Variants in QRICH1 observed in about 807,000 individuals in gnomAD.
QRICH1 encodes glutamine rich 1, also known as transcriptional regulator QRICH1.
A neutral mutation model predicts 87.1 loss-of-function variants in QRICH1; 16 were observed. The observed-to-expected ratio is 0.18, with a 90% CI of 0.12 to 0.28. The LOEUF is 0.28. QRICH1 is among the 10% of genes least tolerant of loss of function. QRICH1 has a pLI of 1.00. For missense variants in QRICH1, 647 were observed against 951.7 expected (o/e 0.68, Z 4.21); for synonymous variants, 367 against 368.4 (o/e 1.00, Z 0.05).
At chr3:49,065,382 G>C (rs1303266809) in intron 2 of QRICH1, among the ~76,000 whole-genome samples, 1 of 152,180 alleles carries the variant, frequency 6.6e-6, no homozygotes. Flanking sequence ...TGACCTCAAA[G>C]TGATCTGCCC....
Position 49,047,142 on chromosome 3 carries a change from T to G in QRICH1, c.1443A>C (p.Val481=), listed in dbSNP as rs781160612. 1 of 1,614,196 alleles carries G rather than the reference T, an allele frequency of 6.2e-7. No individual in the cohort carries two copies. The highest frequency in any genetic ancestry group is 8.5e-7 in the Non-Finnish European group (1 of 1,180,034). Reference sequence around the variant, plus strand: ...TCTTGGTCTGGGCCCAGTTTTTCCATACTTCAAGCCCTTCTTCTGGCTTCA... The same window carrying G: ...TCTTGGTCTGGGCCCAGTTTTTCCAGACTTCAAGCCCTTCTTCTGGCTTCA... The part of the protein sequence containing the change: ...NSLKPEEGLE[V]WKNWAQTKNA... The change falls in exon 4 of 10, where the codon GTA becomes GTC. Residue 481 remains valine, a synonymous_variant. Transcript: ENST00000395443.
chr3:49,065,801 C>T (rs184431529), intron 2 of QRICH1, among the ~76,000 whole-genome samples: 34 of 152,190 alleles, frequency 2.2e-4, no homozygotes, highest in Admixed American at 3.9e-4. Context: ...CTGCCTCAGC[C>T]TCTCAAGTAG....
At chr3:49,064,665 A>T (rs1334481296) in intron 2 of QRICH1, among the ~76,000 whole-genome samples, 1 of 152,060 alleles carries the variant, frequency 6.6e-6, no homozygotes, top group Non-Finnish European at 1.5e-5. Flanking sequence ...GGAGATCGAG[A>T]CCATCCTGGC....
In QRICH1 at chr3:49,057,236, G is replaced by A. The variant is rs762092039; in HGVS notation, c.964C>T (p.Pro322Ser). 1 of 1,614,182 alleles carries A rather than the reference G, an allele frequency of 6.2e-7. No homozygotes were observed. The highest frequency in any genetic ancestry group is 2.2e-5 in the East Asian group (1 of 44,872). ...PVYSAQPRGDPQQQSITHIAI... is the reference protein window; with the variant it reads ...PVYSAQPRGDSQQQSITHIAI... Reference sequence around the variant, plus strand: ...ATGTGGGTAATGCTCTGCTGCTGAGGGTCCCCCCGGGGCTGGGCAGAATAA... The same window carrying A: ...ATGTGGGTAATGCTCTGCTGCTGAGAGTCCCCCCGGGGCTGGGCAGAATAA... The change falls in exon 3 of 10, where the codon CCT becomes TCT. Residue 322 changes from proline to serine, a missense_variant. Physicochemically the swap from Pro to Ser is moderately conservative, Grantham distance 74. Transcript: ENST00000395443. The surrounding 1 kb of genome is among the most constrained non-coding windows in gnomAD (Gnocchi z 5.4).
At position 49,064,595 on chromosome 3, in the gene QRICH1, G is replaced by A. The variant is rs534762263; in HGVS notation, c.310-6705C>T. ...AAAATTGTAAACCATGCTGGGCGCAGTGGCTCACACCTGTAATCCCAGCAC... is the reference window on the plus strand; with the variant it reads ...AAAATTGTAAACCATGCTGGGCGCAATGGCTCACACCTGTAATCCCAGCAC... On this transcript the variant is annotated intron_variant, in intron 2 of 9. Coordinates refer to ENST00000395443, the MANE Select transcript of QRICH1 (RefSeq NM_198880.3). Among the ~76,000 whole-genome samples the A allele has an allele frequency of 7.9e-5, 12 of 152,230 alleles. No individual in the cohort carries two copies. In the South Asian group the frequency reaches 2.5e-3, roughly 32 times the overall value.
At chr3:49,077,486 G>A (rs902445938) in intron 1 of QRICH1, among the ~76,000 whole-genome samples, 1 of 152,186 alleles carries the variant, frequency 6.6e-6, no homozygotes, top group Non-Finnish European at 1.5e-5. Context: ...AGCAGAGATA[G>A]GTATGCCACC....
intron 2 of QRICH1, among the ~76,000 whole-genome samples, chr3:49,071,254 C>G (rs546736773): frequency 1.3e-5 from 2 of 151,974 alleles, no homozygotes; most frequent in Admixed American, 1.3e-4. Context: ...TTAGTAGAGA[C>G]GGAGTTTCAC....
At chr3:49,065,663 G>C (rs949423185) in intron 2 of QRICH1, among the ~76,000 whole-genome samples, 1 of 151,870 alleles carries the variant, frequency 6.6e-6, no homozygotes, top group Non-Finnish European at 1.5e-5. Context: ...AAGGTGCTTG[G>C]AGGCTACCAG....
intron 6 of QRICH1, among the ~76,000 whole-genome samples, chr3:49,040,124 T>C (rs2093301555): frequency 6.6e-6 from 1 of 152,222 alleles, no homozygotes; most frequent in Admixed American, 6.6e-5. Context: ...GGGGAATTCA[T>C]TAATCTATTG....
intron 2 of QRICH1, among the ~76,000 whole-genome samples, chr3:49,069,630 G>C (rs962500079): frequency 1.4e-5 from 2 of 144,584 alleles, no homozygotes; most frequent in South Asian, 2.2e-4. Flanking sequence ...TTACAGGTGT[G>C]TACCACTACA....
intron 1 of QRICH1, among the ~76,000 whole-genome samples, chr3:49,081,188 G>A (rs773191095): frequency 2.0e-5 from 3 of 151,988 alleles, no homozygotes; most frequent in Non-Finnish European, 4.4e-5. Flanking sequence ...AGGCTGAGCT[G>A]GGTGGATCGC....
intron 1 of QRICH1, among the ~76,000 whole-genome samples, chr3:49,088,615 TCTG>T (rs2042215141): frequency 1.3e-5 from 2 of 148,204 alleles, no homozygotes; most frequent in African/African-American, 5.0e-5. Context: ...CAGGCTTTTG[TCTG>T]TTTTTTTTTT....
At chr3:49,086,281 G>C (rs2042165169) in intron 1 of QRICH1, among the ~76,000 whole-genome samples, 1 of 149,218 alleles carries the variant, frequency 6.7e-6, no homozygotes, top group Admixed American at 6.7e-5. Context: ...TTTTGAGATG[G>C]AGTCTCACTC....
At chr3:49,040,080 CA>C (rs566785134) in intron 6 of QRICH1, among the ~76,000 whole-genome samples, 1 of 152,180 alleles carries the variant, frequency 6.6e-6, no homozygotes, top group South Asian at 2.1e-4. Flanking sequence ...AAAACAGCAA[CA>C]AAAAAAGATT....
intron 1 of QRICH1, chr3:49,093,597 C>CG: frequency 6.5e-6 from 1 of 153,914 alleles, no homozygotes; most frequent in African/African-American, 2.4e-5. Context: ...CAGAGATATC[C>CG]GGGCCGGGAA....
chr3:49,033,023 T>C (rs905725207), intron 7 of QRICH1, 97 bp downstream of exon 7: 4 of 1,082,172 alleles, frequency 3.7e-6, no homozygotes, highest in Admixed American at 3.1e-5. Context: ...TAGCCCAGTT[T>C]CTCAAATATA....
Position 49,051,589 on chromosome 3 carries a change from C to CT in QRICH1, c.1339-4344_1339-4343insA, listed in dbSNP as rs938048078. ...CAAGCTAGAACCCCCCCTGCGCCCC[C>CT]CCCCCCCTCCGCTTAATATACCTAG... is the stretch of plus-strand genomic sequence containing the variant. On this transcript the variant is annotated intron_variant, in intron 3 of 9. Transcript: ENST00000395443. 1.5e-5 allele frequency among the ~76,000 whole-genome samples: 2 copies of CT among 134,318 alleles called. 1 individual carries two copies. Among genetic ancestry groups the CT allele is most frequent in the Non-Finnish European group, 3.2e-5 (2 of 62,058 alleles). The allele number at this position is 134,318 out of a possible 152,430, so 88.1% of individuals were successfully genotyped here.
intron 6 of QRICH1, among the ~76,000 whole-genome samples, chr3:49,037,261 C>T (rs942575686): frequency 2.0e-5 from 3 of 151,978 alleles, no homozygotes; most frequent in East Asian, 1.9e-4. Context: ...ACAAAAAATC[C>T]GGAATCAATC....
At chr3:49,048,287 C>T (rs1363430420) in intron 3 of QRICH1, among the ~76,000 whole-genome samples, 1 of 151,754 alleles carries the variant, frequency 6.6e-6, no homozygotes, top group Non-Finnish European at 1.5e-5. Context: ...CATGTGCCAC[C>T]ACGCCCGGCT....
Sources: allele counts gnomAD v4.1 joint callset (sites outside exome capture counted in the v4.1 genomes callset), GRCh38; gene constraint gnomAD v4.1.1; non-coding constraint Gnocchi (gnomAD v3.1); transcripts MANE v1.5; gene names NCBI Gene and HGNC (gene_info 2026-07-23, HGNC 2026-07-21).